The following FMN2 variants were observed in gnomAD, a reference collection of about 807,000 sequenced individuals.
FMN2 encodes the protein formin-2.
A neutral mutation model predicts 142.3 loss-of-function variants in FMN2; 51 were observed. That is an observed-to-expected ratio of 0.36 (90% confidence interval 0.29 to 0.45). The LOEUF (loss-of-function observed/expected upper bound fraction) is 0.45. Ranked by LOEUF, FMN2 falls within the 20% of genes least tolerant of loss-of-function variation. The pLI is 1.00. For missense variants in FMN2, 1,936 were observed against 2,122.8 expected (o/e 0.91, Z 1.73); for synonymous variants, 882 against 869.8 (o/e 1.01, Z -0.25).
intron 14 of FMN2, among the ~76,000 whole-genome samples, chr1:240,366,455 GTTTTT>G (rs1672671802): frequency 6.6e-6 from 1 of 151,332 alleles, no homozygotes; most frequent in African/African-American, 2.4e-5. Context: ...ATTCTTTCAT[GTTTTT>G]GCATGTGGTT....
At chr1:240,468,302 A>ACACACACATATACATATG (rs1558123921) in intron 16 of FMN2, among the ~76,000 whole-genome samples, 1 of 151,940 alleles carries the variant, frequency 6.6e-6, no homozygotes, top group African/African-American at 2.4e-5. Context: ...ATACATATGC[A>ACACACACATATACATATG]CACACACATA....
intron 7 of FMN2, among the ~76,000 whole-genome samples, chr1:240,265,393 C>A (rs1668763935): frequency 6.6e-6 from 1 of 152,134 alleles, no homozygotes; most frequent in East Asian, 1.9e-4. Context: ...AACAACAGAC[C>A]ATGTATGTGA....
intron 7 of FMN2, among the ~76,000 whole-genome samples, chr1:240,263,750 A>G (rs1257827991): frequency 6.6e-6 from 1 of 152,150 alleles, no homozygotes; most frequent in East Asian, 1.9e-4. Flanking sequence ...CCTAATATCT[A>G]TTTAGTAGTC....
chr1:240,153,919 C>T (rs892028233), intron 2 of FMN2, among the ~76,000 whole-genome samples: 2 of 151,754 alleles, frequency 1.3e-5, no homozygotes, highest in Admixed American at 6.6e-5. Context: ...GGTTCGAGAC[C>T]AGCCTGGCCA....
intron 2 of FMN2, among the ~76,000 whole-genome samples, chr1:240,130,322 A>T (rs1662684545): frequency 6.6e-6 from 1 of 152,098 alleles, no homozygotes; most frequent in African/African-American, 2.4e-5. Flanking sequence ...ATTTATTTTG[A>T]GACAGAGTCT....
intron 14 of FMN2, among the ~76,000 whole-genome samples, chr1:240,358,204 A>G (rs915018488): frequency 4.6e-5 from 7 of 152,190 alleles, no homozygotes; most frequent in Non-Finnish European, 8.8e-5. Context: ...TCTGTTGGGT[A>G]TGACTTACAG....
intron 16 of FMN2, among the ~76,000 whole-genome samples, chr1:240,446,383 G>A (rs1398145527): frequency 1.3e-5 from 2 of 152,184 alleles, no homozygotes; most frequent in Non-Finnish European, 2.9e-5. Context: ...TTTGAACATT[G>A]TAGCATCTTT....
chr1:240,243,491 C>T (rs1471070519), intron 6 of FMN2, among the ~76,000 whole-genome samples: 2 of 152,134 alleles, frequency 1.3e-5, no homozygotes, highest in African/African-American at 2.4e-5. Flanking sequence ...TATTTCTTAT[C>T]GCCTTCTATT....
At chr1:240,437,216 G>A (rs567570769) in intron 15 of FMN2, among the ~76,000 whole-genome samples, 407 of 151,716 alleles carry the variant, frequency 2.7e-3, no homozygotes, top group Non-Finnish European at 4.5e-3. Flanking sequence ...TACCGTCAAA[G>A]TCCTGGCTGC....
chr1:240,109,644 G>C (rs1047779309), intron 1 of FMN2, among the ~76,000 whole-genome samples: 4 of 152,148 alleles, frequency 2.6e-5, no homozygotes, highest in Middle Eastern at 3.2e-3. Context: ...GCTGTTCTCT[G>C]TGGTGAACTG....
chr1:240,376,643 A>G (rs1673054802), intron 14 of FMN2, among the ~76,000 whole-genome samples: 1 of 152,144 alleles, frequency 6.6e-6, no homozygotes, highest in Non-Finnish European at 1.5e-5. Context: ...ACATTATTAC[A>G]GAGATAATTT....
chr1:240,191,948 A>G (rs1665715703), intron 4 of FMN2, among the ~76,000 whole-genome samples: 1 of 152,194 alleles, frequency 6.6e-6, no homozygotes, highest in African/African-American at 2.4e-5. Flanking sequence ...TCATTTATCA[A>G]TAGTCACATC....
At chr1:240,451,944 T>C (rs757759083) in intron 16 of FMN2, among the ~76,000 whole-genome samples, 11 of 151,942 alleles carry the variant, frequency 7.2e-5, no homozygotes, top group Non-Finnish European at 1.2e-4. Flanking sequence ...AATTCAGTTA[T>C]ATATTGGGAG....
At chr1:240,123,037 T>A in intron 1 of FMN2, 142 bp from the exon 2 acceptor site, 1 of 865,016 alleles carries the variant, frequency 1.2e-6, no homozygotes, top group Non-Finnish European at 1.7e-6. Context: ...TTCTCCTAGC[T>A]TGAGAGGCTC....
intron 17 of FMN2, 70 bp downstream of exon 17, chr1:240,472,523 ACT>A: frequency 1.0e-6 from 1 of 958,958 alleles, no homozygotes; most frequent in Non-Finnish European, 1.6e-6. Context: ...ATATATACAA[ACT>A]CATAATATTT....
chr1:240,158,648 C>G (rs1050267775), intron 2 of FMN2, among the ~76,000 whole-genome samples: 1 of 152,130 alleles, frequency 6.6e-6, no homozygotes, highest in Admixed American at 6.5e-5. Context: ...CTCTCCCAAG[C>G]TACTACTTAG....
Position 240,092,007 on chromosome 1 carries a change from G to C in FMN2, c.-103G>C. Reference sequence around the variant, plus strand: ...CCTCCCAGCGGCTCCCCCCGCCGCCGCCTGACTCTCCCGGGAGACTCCCTA... The same window carrying C: ...CCTCCCAGCGGCTCCCCCCGCCGCCCCCTGACTCTCCCGGGAGACTCCCTA... On this transcript the variant is annotated 5_prime_UTR_variant, in exon 1 of 18. Coordinates refer to ENST00000319653, the MANE Select transcript of FMN2 (RefSeq NM_020066.5). The C allele has an allele frequency of 7.2e-7, 1 of 1,385,994 alleles. No individual in the cohort carries two copies. The highest frequency in any genetic ancestry group is 9.3e-7 in the Non-Finnish European group (1 of 1,079,542). The allele number at this position is 1,385,994 out of a possible 1,614,324, so 85.9% of individuals were successfully genotyped here.
intron 14 of FMN2, among the ~76,000 whole-genome samples, chr1:240,379,785 T>C (rs1673165125): frequency 1.3e-5 from 2 of 152,134 alleles, no homozygotes; most frequent in Admixed American, 6.5e-5. Flanking sequence ...TTCAATTAAG[T>C]TGATAAAGGA....
intron 3 of FMN2, among the ~76,000 whole-genome samples, chr1:240,183,126 C>T (rs1480428708): frequency 6.6e-6 from 1 of 151,516 alleles, no homozygotes; most frequent in Non-Finnish European, 1.5e-5. Flanking sequence ...TCATGTAGCT[C>T]AGGCTGGTGT....
Sources: allele counts gnomAD v4.1 joint callset (sites outside exome capture counted in the v4.1 genomes callset), GRCh38; gene constraint gnomAD v4.1.1; transcripts MANE v1.5; gene names NCBI Gene and HGNC (gene_info 2026-07-23, HGNC 2026-07-21).